CCDC63: variants seen among roughly 807,000 people sequenced by gnomAD.
CCDC63 encodes the protein coiled-coil domain-containing protein 63.
CCDC63 carries 54 observed loss-of-function variants against 63.6 expected under a neutral mutation model. The ratio of observed to expected loss-of-function variants is 0.85; its 90% CI spans 0.68 to 1.07. The LOEUF (loss-of-function observed/expected upper bound fraction) is 1.07. Among genes scored for constraint, CCDC63 ranks in the 50% least tolerant of loss-of-function variants. The pLI is 0.00. For missense variants in CCDC63, 637 were observed against 689.6 expected (o/e 0.92, Z 0.86); for synonymous variants, 253 against 266.1 (o/e 0.95, Z 0.48).
intron 9 of CCDC63, among the ~76,000 whole-genome samples, chr12:110,897,278 TAA>T (rs202229988): frequency 3.7e-5 from 5 of 134,268 alleles, no homozygotes; most frequent in Admixed American, 7.5e-5. Context: ...CTAATTTTAT[TAA>T]AAAAAAAAAA....
At chr12:110,846,661 TAAG>T (rs1012958205), upstream of CCDC63, 1 of 152,260 alleles carries the variant, frequency 6.6e-6, no homozygotes, top group Admixed American at 6.5e-5. Flanking sequence ...AGGTGTAGGC[TAAG>T]AAGACGGTGA....
intron 8 of CCDC63, among the ~76,000 whole-genome samples, chr12:110,884,852 ATTTTTT>A (rs34391026): frequency 1.5e-5 from 2 of 130,708 alleles, no homozygotes; most frequent in African/African-American, 2.9e-5. Context: ...ACGCCCTGCT[ATTTTTT>A]TTTTTTTTTT....
At chr12:110,885,513 A>G (rs1047086361) in intron 8 of CCDC63, among the ~76,000 whole-genome samples, 10 of 152,118 alleles carry the variant, frequency 6.6e-5, no homozygotes, top group Admixed American at 5.2e-4. Flanking sequence ...TTTGGCTTCT[A>G]CCTGCCTTTG....
intron 5 of CCDC63, among the ~76,000 whole-genome samples, chr12:110,874,801 C>T (rs2071110068): frequency 6.6e-6 from 1 of 152,254 alleles, no homozygotes; most frequent in South Asian, 2.1e-4. Context: ...ACCCTGGGGC[C>T]CCTCTCCTCC....
intron 4 of CCDC63, among the ~76,000 whole-genome samples, chr12:110,865,030 A>C (rs1228953176): frequency 1.3e-5 from 2 of 152,196 alleles, no homozygotes; most frequent in Non-Finnish European, 2.9e-5. Flanking sequence ...AGGAATGAGA[A>C]GACTTTTTCT....
At chr12:110,850,779 G>T (rs114683314) in intron 1 of CCDC63, among the ~76,000 whole-genome samples, 3 of 152,008 alleles carry the variant, frequency 2.0e-5, no homozygotes, top group Non-Finnish European at 4.4e-5. Context: ...AAAGAGCAGC[G>T]TCCAGTCTTT....
intron 10 of CCDC63, 61 bp from the exon 11 acceptor site, chr12:110,904,527 C>T: frequency 1.4e-6 from 2 of 1,448,568 alleles, no homozygotes; most frequent in Non-Finnish European, 1.9e-6. Flanking sequence ...TGGCACCACC[C>T]ACAGTGCCCC....
upstream of CCDC63, among the ~76,000 whole-genome samples, chr12:110,846,447 G>A (rs2070637730): frequency 6.6e-6 from 1 of 152,148 alleles, no homozygotes. Context: ...CAGTGGGTGG[G>A]GGTCAGGTGG....
At chr12:110,859,901 C>G (rs1369556589) in intron 4 of CCDC63, among the ~76,000 whole-genome samples, 1 of 152,054 alleles carries the variant, frequency 6.6e-6, no homozygotes, top group Non-Finnish European at 1.5e-5. Flanking sequence ...TATGCTCCCC[C>G]ACTCCCACCC....
Position 110,899,089 on chromosome 12 carries a change from G to A in CCDC63, c.1306G>A (p.Gly436Arg). The A allele has an allele frequency of 6.2e-7, 1 of 1,613,332 alleles. No homozygotes were observed. The highest frequency in any genetic ancestry group is 8.5e-7 in the Non-Finnish European group (1 of 1,179,682). ...TKILVQLGET[G>R]KVTDINLPQY... ...GATCCTGGTGCAGTTAGGGGAGACG[G>A]GGAAAGTCACTGACATCAACCTTCC... Residue 436 changes from glycine to arginine, a missense_variant, in exon 10 of 12, where the codon GGG becomes AGG. Gly to Arg is a moderately radical substitution (Grantham distance 125, BLOSUM62 -2). Transcript: ENST00000308208.
intron 10 of CCDC63, 94 bp from the exon 11 acceptor site, chr12:110,904,494 C>A: frequency 9.4e-7 from 1 of 1,062,144 alleles, no homozygotes; most frequent in Non-Finnish European, 1.4e-6. Context: ...GTACTTCCTG[C>A]TCCTCCCCGC....
intron 10 of CCDC63, among the ~76,000 whole-genome samples, chr12:110,901,077 G>A (rs186877060): frequency 5.3e-4 from 80 of 152,312 alleles, no homozygotes; most frequent in Non-Finnish European, 2.9e-5. Context: ...ATGTGTTAGT[G>A]TGAACCATGT....
At chr12:110,876,964 A>G (rs1295424241) in intron 5 of CCDC63, among the ~76,000 whole-genome samples, 1 of 151,806 alleles carries the variant, frequency 6.6e-6, no homozygotes, top group African/African-American at 2.4e-5. Context: ...GGATCACTTG[A>G]GCCTGTGATT....
intron 10 of CCDC63, among the ~76,000 whole-genome samples, chr12:110,902,701 G>C (rs1038972804): frequency 2.6e-5 from 4 of 151,880 alleles, no homozygotes; most frequent in Admixed American, 2.0e-4. Context: ...AGCAAATTTT[G>C]GTTGCCAATA....
intron 8 of CCDC63, among the ~76,000 whole-genome samples, chr12:110,886,703 C>G (rs73421359): frequency 0.024 from 3,607 of 152,048 alleles, 133 homozygotes; most frequent in African/African-American, 0.081. Flanking sequence ...ACTCAGCAGC[C>G]AAGCACAAGG....
intron 7 of CCDC63, among the ~76,000 whole-genome samples, chr12:110,883,036 ATTTTTTT>A (rs11350129): frequency 5.8e-5 from 8 of 137,890 alleles, no homozygotes; most frequent in African/African-American, 1.6e-4. Flanking sequence ...CTAATTTTAA[ATTTTTTT>A]TTTTTTTTTT....
intron 8 of CCDC63, among the ~76,000 whole-genome samples, chr12:110,887,271 C>T (rs1358400369): frequency 6.6e-6 from 1 of 152,148 alleles, no homozygotes; most frequent in East Asian, 1.9e-4. Flanking sequence ...GGACTACAGG[C>T]AGAGCCACCA....
chr12:110,896,807 A>T (rs2071420396), intron 9 of CCDC63, among the ~76,000 whole-genome samples: 1 of 152,206 alleles, frequency 6.6e-6, no homozygotes, highest in African/African-American at 2.4e-5. Flanking sequence ...ACCAGTGTGA[A>T]GCCAAGGCTG....
chr12:110,854,291 C>CT (rs1242009926), intron 3 of CCDC63, among the ~76,000 whole-genome samples: 1 of 53,284 alleles, frequency 1.9e-5, no homozygotes. Context: ...CATTTCTTTT[C>CT]TCTTTTTTTT....
Sources: gnomAD v4.1 joint callset for allele counts (sites outside exome capture counted in the v4.1 genomes callset) on GRCh38, gnomAD v4.1.1 for gene constraint, MANE v1.5 for transcripts, NCBI Gene and HGNC (gene_info 2026-07-23, HGNC 2026-07-21) for gene names.